The following CDH18 variants were observed in gnomAD, a reference collection of about 807,000 sequenced individuals.
CDH18 encodes the protein cadherin-18.
A neutral mutation model predicts 67.9 loss-of-function variants in CDH18; 31 were observed. That is an observed-to-expected ratio of 0.46 (90% CI 0.34 to 0.62). The LOEUF is 0.62. Ranked by LOEUF, CDH18 falls within the 20% of genes least tolerant of loss-of-function variation. CDH18 has a pLI of 0.01. For missense variants in CDH18, 890 were observed against 975.5 expected (o/e 0.91, Z 1.17); for synonymous variants, 362 against 347.2 (o/e 1.04, Z -0.48).
At chr5:20,124,605 A>G (rs1169830944) in intron 2 of CDH18, among the ~76,000 whole-genome samples, 1 of 152,216 alleles carries the variant, frequency 6.6e-6, no homozygotes, top group Non-Finnish European at 1.5e-5. Flanking sequence ...CCAACACTAA[A>G]AAGAGAGAAA....
At chr5:19,735,253 A>C (rs970154386) in intron 4 of CDH18, among the ~76,000 whole-genome samples, 5 of 152,122 alleles carry the variant, frequency 3.3e-5, no homozygotes, top group Non-Finnish European at 7.4e-5. Context: ...TGGTTGCTTT[A>C]ATCACATGGA....
intron 1 of CDH18, among the ~76,000 whole-genome samples, chr5:20,272,569 TAAACA>T (rs1745516415): frequency 6.6e-6 from 1 of 151,982 alleles, no homozygotes; most frequent in South Asian, 2.1e-4. Context: ...GGAGTGAGAC[TAAACA>T]GAACATTACA....
chr5:20,082,876 C>T (rs942983651), intron 2 of CDH18, among the ~76,000 whole-genome samples: 1 of 152,140 alleles, frequency 6.6e-6, no homozygotes, highest in African/African-American at 2.4e-5. Context: ...GGAACAGATT[C>T]CTCCCCACAG....
intron 3 of CDH18, among the ~76,000 whole-genome samples, chr5:19,750,767 C>G (rs1770734445): frequency 7.0e-6 from 1 of 143,850 alleles, no homozygotes; most frequent in African/African-American, 2.6e-5. Flanking sequence ...GAAGCCCCCC[C>G]CCCCCCACTT....
At chr5:19,980,304 A>G (rs771810924) in intron 2 of CDH18, among the ~76,000 whole-genome samples, 53 of 152,190 alleles carry the variant, frequency 3.5e-4, no homozygotes, top group Non-Finnish European at 5.4e-4. Flanking sequence ...GAAATCATAG[A>G]TGACACAAAC....
In CDH18 at chr5:19,483,431, G is replaced by T; in HGVS notation, c.1752C>A (p.Leu584=). Residue 584 remains leucine (L), a synonymous_variant, in exon 12 of 13, where the codon CTC becomes CTA. Coordinates refer to ENST00000382275, the MANE Select transcript of CDH18 (RefSeq NM_004934.5). ...GIPSLSSSST[L]TIRVCACERD... The stretch of plus-strand genomic sequence containing the variant: ...TCTCGCATGCACAAACCCTGATGGT[G>T]AGGGTGCTGCTGCTGCTGAGAGAGG... The T allele has an allele frequency of 1.2e-6, 2 of 1,614,124 alleles. No individual in the cohort carries two copies. The highest frequency in any genetic ancestry group is 1.7e-6 in the Non-Finnish European group (2 of 1,180,006).
chr5:20,264,007 G>C (rs1460677058), intron 1 of CDH18, among the ~76,000 whole-genome samples: 1 of 152,026 alleles, frequency 6.6e-6, no homozygotes, highest in African/African-American at 2.4e-5. Flanking sequence ...TCATTAAAAT[G>C]TATTTCTTTT....
intron 1 of CDH18, among the ~76,000 whole-genome samples, chr5:20,490,330 T>C (rs1753513513): frequency 6.6e-6 from 1 of 152,062 alleles, no homozygotes; most frequent in African/African-American, 2.4e-5. Flanking sequence ...CTAATATCAA[T>C]AGCCAATGAG....
intron 5 of CDH18, among the ~76,000 whole-genome samples, chr5:19,647,672 A>G (rs867653141): frequency 6.3e-4 from 96 of 152,044 alleles, no homozygotes; most frequent in African/African-American, 2.2e-3. Flanking sequence ...CAGGAACCAC[A>G]TCCAGTAGAA....
At chr5:19,716,637 G>C (rs1005130025) in intron 5 of CDH18, among the ~76,000 whole-genome samples, 2 of 151,892 alleles carry the variant, frequency 1.3e-5, no homozygotes, top group African/African-American at 4.8e-5. Flanking sequence ...TAATGCAAAA[G>C]AATCTGACTG....
chr5:20,565,187 A>G (rs954313072), intron 1 of CDH18, among the ~76,000 whole-genome samples: 1 of 152,116 alleles, frequency 6.6e-6, no homozygotes, highest in Admixed American at 6.6e-5. Flanking sequence ...AAGTTGTTTC[A>G]GATATATGTG....
At chr5:20,511,445 C>T (rs1193599656) in intron 1 of CDH18, among the ~76,000 whole-genome samples, 3 of 151,864 alleles carry the variant, frequency 2.0e-5, no homozygotes, top group Admixed American at 2.0e-4. Flanking sequence ...TTTTGCCAGC[C>T]ATTTTTTATA....
upstream of CDH18, among the ~76,000 whole-genome samples, chr5:19,989,292 A>G (rs1799841643): frequency 6.6e-6 from 1 of 152,206 alleles, no homozygotes. Context: ...GAAAGATATT[A>G]CTTTTTCTGC....
chr5:20,071,589 TATG>T (rs1011599972), intron 2 of CDH18, among the ~76,000 whole-genome samples: 10 of 152,184 alleles, frequency 6.6e-5, no homozygotes, highest in African/African-American at 2.4e-4. Context: ...ATGTATGAAT[TATG>T]ATAAAATATA....
chr5:19,956,692 C>A lies in CDH18; in HGVS notation c.-257+24368G>T, dbSNP rs867794782. ...TGTAATATAAATAGTTATTGCCTTCCAATTAGTATTGATAATACAGTATAT... is the reference window on the plus strand; with the variant it reads ...TGTAATATAAATAGTTATTGCCTTCAAATTAGTATTGATAATACAGTATAT... On this transcript the variant is annotated intron_variant, in intron 2 of 12. Transcript: ENST00000382275. Among the ~76,000 whole-genome samples the A allele has an allele frequency of 4.0e-5, 6 of 151,690 alleles. No homozygotes were observed. In the Middle Eastern group the frequency reaches 0.017, roughly 430 times the overall value.
chr5:20,185,414 C>T (rs1738017747), intron 2 of CDH18, among the ~76,000 whole-genome samples: 1 of 152,032 alleles, frequency 6.6e-6, no homozygotes, highest in Non-Finnish European at 1.5e-5. Flanking sequence ...CACTCTTGTT[C>T]AATGCACTCC....
intron 2 of CDH18, among the ~76,000 whole-genome samples, chr5:19,928,032 T>C (rs2150189206): frequency 6.6e-6 from 1 of 152,302 alleles, no homozygotes; most frequent in East Asian, 1.9e-4. Context: ...ACTTGCTCTT[T>C]GGTCATGCAG....
At chr5:19,667,079 C>T (rs1222801656) in intron 5 of CDH18, among the ~76,000 whole-genome samples, 2 of 151,708 alleles carry the variant, frequency 1.3e-5, no homozygotes, top group East Asian at 3.9e-4. Context: ...ATTTATTATG[C>T]TTGCCAAACA....
In CDH18 at chr5:19,473,689, C is replaced by T. The variant is rs758193013; in HGVS notation, c.1910G>A (p.Arg637Lys). 11 of 1,606,752 alleles carry T rather than the reference C, an allele frequency of 6.8e-6. No homozygotes were observed. In the East Asian group the frequency reaches 1.6e-4, roughly 23 times the overall value. ...GATCAAGGGCTCTTTTTTGCTGCGC[C>T]TCAGGGTGATAAAAAGTACCACAAT... ...LAIVVLFITL[R>K]RSKKEPLIIS... is the part of the protein sequence containing the mutation. The change falls in exon 13 of 13, where the codon AGG becomes AAG. Residue 637 changes from arginine to lysine, a missense_variant. Arg to Lys is a conservative substitution (Grantham distance 26). Coordinates refer to ENST00000382275, the MANE Select transcript of CDH18 (RefSeq NM_004934.5).
Sources: gnomAD v4.1 joint callset for allele counts (sites outside exome capture counted in the v4.1 genomes callset) on GRCh38, gnomAD v4.1.1 for gene constraint, MANE v1.5 for transcripts, NCBI Gene and HGNC (gene_info 2026-07-23, HGNC 2026-07-21) for gene names.